The following UGT3A1 variants were observed in gnomAD, a reference collection of about 807,000 sequenced individuals.
The protein encoded by UGT3A1 is UDP glycosyltransferase family 3 member A1.
UGT3A1 carries 40 observed loss-of-function variants against 37.6 expected under a neutral mutation model. That is an observed-to-expected ratio of 1.06 (90% CI 0.83 to 1.38). The LOEUF (loss-of-function observed/expected upper bound fraction) is 1.38, where lower values mean the gene tolerates loss of function less well. UGT3A1 is among the 40% of genes most tolerant of loss of function. The pLI is 0.00. For synonymous variants in UGT3A1, 256 were observed against 232.3 expected, an observed-to-expected ratio of 1.10 and a Z score of -0.93; for missense variants, 642 against 634.2, an observed-to-expected ratio of 1.01 and a Z score of -0.13.
At chr5:35,991,084 G>A in intron 1 of UGT3A1, 63 bp downstream of exon 1, 2 of 1,614,030 alleles carry the variant, frequency 1.2e-6, no homozygotes, top group Non-Finnish European at 1.7e-6. Flanking sequence ...CCGTTCGCTG[G>A]AGCCCTGGCA....
chr5:35,998,752 C>CCGGT (rs1176691693), intron 1 of UGT3A1, among the ~76,000 whole-genome samples: 1 of 152,142 alleles, frequency 6.6e-6, no homozygotes, highest in African/African-American at 2.4e-5. Context: ...GTAATTGAAG[C>CCGGT]CGGTCCTCTT....
intron 2 of UGT3A1, among the ~76,000 whole-genome samples, chr5:35,987,705 G>T (rs189623118): frequency 3.3e-5 from 5 of 152,198 alleles, no homozygotes; most frequent in Admixed American, 2.0e-4. Context: ...TCCCAAGATG[G>T]TTAATTTTTG....
At chr5:35,969,124 G>T (rs1164812648) in intron 2 of UGT3A1, among the ~76,000 whole-genome samples, 1 of 152,128 alleles carries the variant, frequency 6.6e-6, no homozygotes, top group Non-Finnish European at 1.5e-5. Context: ...AGCACTCAGG[G>T]TTAAGACTGA....
intron 2 of UGT3A1, among the ~76,000 whole-genome samples, chr5:35,982,558 T>C (rs968116308): frequency 3.9e-5 from 6 of 152,274 alleles, no homozygotes; most frequent in African/African-American, 1.4e-4. Context: ...ACCTAATGCC[T>C]ATCCTCTCAT....
chr5:35,968,465 A>G (rs1739903962), intron 2 of UGT3A1, among the ~76,000 whole-genome samples: 1 of 152,210 alleles, frequency 6.6e-6, no homozygotes, highest in Admixed American at 6.5e-5. Flanking sequence ...TCCTTTGCAC[A>G]CATAATGAGC....
chr5:35,957,173 C>A lies in UGT3A1; in HGVS notation c.1075+15G>T, dbSNP rs771023082. ...GGTCAATGGAAAGAGAAGAGCAGAC[C>A]TAAGCAGTCCTTACCCAGGAGGTCA... On this transcript the variant is annotated intron_variant, in intron 5 of 6. Transcript: ENST00000274278. The A allele has an allele frequency of 1.9e-6, 3 of 1,610,376 alleles. No individual in the cohort carries two copies. The highest frequency in any genetic ancestry group is 2.5e-6 in the Non-Finnish European group (3 of 1,177,154).
In UGT3A1 at chr5:35,982,947, T is replaced by A. The variant is rs185963058; in HGVS notation, c.196+5503A>T. On this transcript the variant is annotated intron_variant, in intron 2 of 6. Transcript: ENST00000274278. ...ATGTTTGAAAATGTGTAGCACCTCC[T>A]CCCTTGCCTTCTCTCTCTCCTGCTC... 5.5e-4 allele frequency among the ~76,000 whole-genome samples: 83 copies of A among 152,248 alleles called. 1 individual carries two copies. The Middle Eastern group carries it at 0.017, about 31-fold the overall frequency.
At chr5:35,995,653 G>A (rs570114542), upstream of UGT3A1, among the ~76,000 whole-genome samples, 1 of 152,200 alleles carries the variant, frequency 6.6e-6, no homozygotes, top group East Asian at 1.9e-4. Context: ...AGGCCCAATA[G>A]AGCCAACAAC....
At chr5:35,991,604 C>T (rs1740954976), upstream of UGT3A1, 1 of 1,024,194 alleles carries the variant, frequency 9.8e-7, no homozygotes, top group Non-Finnish European at 1.2e-6. Context: ...TTAATGAAGG[C>T]TCCATCCCCA....
intron 4 of UGT3A1, among the ~76,000 whole-genome samples, chr5:35,964,452 T>G (rs1291696173): frequency 6.6e-6 from 1 of 152,106 alleles, no homozygotes; most frequent in Admixed American, 6.5e-5. Flanking sequence ...TAAATACACC[T>G]ACCACCAATG....
At chr5:35,984,791 T>C (rs1255584750) in intron 2 of UGT3A1, among the ~76,000 whole-genome samples, 1 of 152,210 alleles carries the variant, frequency 6.6e-6, no homozygotes, top group Non-Finnish European at 1.5e-5. Flanking sequence ...AGAATTTTTA[T>C]AAATTCTAGA....
In UGT3A1 at chr5:35,986,551, T is replaced by C. The variant is rs76732624; in HGVS notation, c.196+1899A>G. On this transcript the variant is annotated intron_variant, in intron 2 of 6. Transcript: ENST00000274278. ...ATGTATTGAATTAGAGGCCATTATA[T>C]TAAGTGAAATAAGCCAAGCATAGAA... 5.6e-3 allele frequency among the ~76,000 whole-genome samples: 854 copies of C among 152,258 alleles called. 11 individuals are homozygous for C. Among genetic ancestry groups the C allele is most frequent in the African/African-American group, 0.02 (814 of 41,568 alleles).
At chr5:35,972,714 G>C (rs1404766371) in intron 2 of UGT3A1, among the ~76,000 whole-genome samples, 1 of 152,010 alleles carries the variant, frequency 6.6e-6, no homozygotes, top group Non-Finnish European at 1.5e-5. Flanking sequence ...CTAAGCAAAT[G>C]CTTCTAAAAG....
intron 2 of UGT3A1, among the ~76,000 whole-genome samples, chr5:35,976,232 C>G (rs1036063495): frequency 6.6e-6 from 1 of 152,168 alleles, no homozygotes; most frequent in Admixed American, 6.5e-5. Context: ...AAAGAAGTTA[C>G]TGTACTGATT....
intron 2 of UGT3A1, among the ~76,000 whole-genome samples, chr5:35,984,782 G>T (rs1188524745): frequency 6.6e-6 from 1 of 152,072 alleles, no homozygotes; most frequent in Non-Finnish European, 1.5e-5. Flanking sequence ...CAATCTCACA[G>T]AATTTTTATA....
intron 2 of UGT3A1, among the ~76,000 whole-genome samples, chr5:35,987,549 G>A (rs1740775427): frequency 6.6e-6 from 1 of 152,096 alleles, no homozygotes; most frequent in Non-Finnish European, 1.5e-5. Context: ...CTATAAGGCA[G>A]ATACAAAGGA....
intron 1 of UGT3A1, among the ~76,000 whole-genome samples, chr5:35,999,236 C>CAAA (rs34007699): frequency 0.044 from 4,500 of 102,936 alleles, 157 homozygotes; most frequent in East Asian, 0.13. Context: ...GACTCCATCT[C>CAAA]AAAAAAAAAA....
chr5:35,975,354 C>G (rs1349239836), intron 2 of UGT3A1, among the ~76,000 whole-genome samples: 4 of 152,140 alleles, frequency 2.6e-5, no homozygotes, highest in African/African-American at 9.7e-5. Context: ...AGTCAGCTAT[C>G]CAGGTAGCAG....
chr5:35,959,832 G>A (rs1005656999), intron 4 of UGT3A1, among the ~76,000 whole-genome samples: 2 of 151,834 alleles, frequency 1.3e-5, no homozygotes. Flanking sequence ...AAATCTATTA[G>A]AACTAATAAA....
Sources: allele counts gnomAD v4.1 joint callset (sites outside exome capture counted in the v4.1 genomes callset), GRCh38; gene constraint gnomAD v4.1.1; transcripts MANE v1.5; gene names NCBI Gene and HGNC (gene_info 2026-07-23, HGNC 2026-07-21).